Variants in TNR observed in about 807,000 individuals in gnomAD.
TNR encodes tenascin-R.
Under a neutral mutation model 150.4 loss-of-function variants are expected in TNR, and 45 were observed. That is an observed-to-expected ratio of 0.30 (90% confidence interval 0.24 to 0.38). The LOEUF (loss-of-function observed/expected upper bound fraction) is 0.38. Among genes scored for constraint, TNR ranks in the 10% least tolerant of loss-of-function variants. The pLI, the probability that TNR is intolerant of heterozygous loss-of-function variation, is 1.00. For missense variants in TNR, 1,544 were observed against 1,759.1 expected, an observed-to-expected ratio of 0.88 and a Z score of 2.19; for synonymous variants, 687 against 678.4, an observed-to-expected ratio of 1.01 and a Z score of -0.20.
At chr1:175,585,179 T>A (rs997106326) in intron 1 of TNR, among the ~76,000 whole-genome samples, 15 of 152,224 alleles carry the variant, frequency 9.9e-5, no homozygotes, top group Non-Finnish European at 1.2e-4. Flanking sequence ...CAGTTATCTA[T>A]ATTTGATGGA....
intron 1 of TNR, among the ~76,000 whole-genome samples, chr1:175,676,958 A>C (rs1571741805): frequency 6.6e-6 from 1 of 152,172 alleles, no homozygotes; most frequent in South Asian, 2.1e-4. Flanking sequence ...CCCATTTTCC[A>C]GGTGAGAGGA....
At chr1:175,678,321 G>A (rs1301417081) in intron 1 of TNR, among the ~76,000 whole-genome samples, 1 of 152,296 alleles carries the variant, frequency 6.6e-6, no homozygotes, top group East Asian at 1.9e-4. Context: ...AAACACGCAG[G>A]TTCCCTTGCC....
At chr1:175,398,144 T>C (rs1380705378) in intron 4 of TNR, among the ~76,000 whole-genome samples, 1 of 152,174 alleles carries the variant, frequency 6.6e-6, no homozygotes, top group Admixed American at 6.5e-5. Context: ...TACTCACATG[T>C]GCACCCTCAA....
intron 1 of TNR, among the ~76,000 whole-genome samples, chr1:175,640,659 G>A (rs1664626993): frequency 6.6e-6 from 1 of 152,008 alleles, no homozygotes; most frequent in Non-Finnish European, 1.5e-5. Flanking sequence ...CAAATCATGT[G>A]CATATTCTCT....
At chr1:175,678,504 G>T (rs12070269) in intron 1 of TNR, among the ~76,000 whole-genome samples, 2,684 of 152,258 alleles carry the variant, frequency 0.018, 67 homozygotes, top group African/African-American at 0.059. Context: ...ACAGAAAGGG[G>T]TCTCCTCTGG....
chr1:175,491,211 C>T (rs1330641642), intron 2 of TNR, among the ~76,000 whole-genome samples: 1 of 151,830 alleles, frequency 6.6e-6, no homozygotes, highest in Non-Finnish European at 1.5e-5. Context: ...CACACTGGGG[C>T]CTGTCAGAGG....
intron 1 of TNR, among the ~76,000 whole-genome samples, chr1:175,655,341 T>C (rs1214301088): frequency 6.6e-6 from 1 of 152,230 alleles, no homozygotes; most frequent in Non-Finnish European, 1.5e-5. Context: ...ATTCACCCTA[T>C]GTCCAACTCC....
chr1:175,397,912 T>G (rs1170786249), intron 4 of TNR, among the ~76,000 whole-genome samples: 1 of 152,214 alleles, frequency 6.6e-6, no homozygotes, highest in Non-Finnish European at 1.5e-5. Context: ...GTGTCTGTAA[T>G]TAGACCTGCC....
chr1:175,438,220 CAACATATGCAAATCAATA>C (rs1655609079), intron 2 of TNR, among the ~76,000 whole-genome samples: 1 of 152,138 alleles, frequency 6.6e-6, no homozygotes, highest in African/African-American at 2.4e-5. Flanking sequence ...AAGGCTGGTT[CAACATATGCAAATCAATA>C]AACATAATCC....
intron 9 of TNR, among the ~76,000 whole-genome samples, chr1:175,370,159 A>G (rs561802657): frequency 4.7e-4 from 71 of 152,064 alleles, no homozygotes; most frequent in Non-Finnish European, 9.0e-4. Flanking sequence ...TGTAATTTTG[A>G]TTACTTAACA....
intron 1 of TNR, among the ~76,000 whole-genome samples, chr1:175,559,377 A>T (rs1661323513): frequency 6.6e-6 from 1 of 152,210 alleles, no homozygotes; most frequent in African/African-American, 2.4e-5. Context: ...ATAGAAAATG[A>T]TAAACAGAGT....
intron 1 of TNR, among the ~76,000 whole-genome samples, chr1:175,564,611 C>T (rs1327431084): frequency 2.0e-5 from 3 of 151,988 alleles, no homozygotes; most frequent in Non-Finnish European, 1.5e-5. Context: ...CTTCAGGGTG[C>T]AATTTGGTTT....
intron 9 of TNR, among the ~76,000 whole-genome samples, chr1:175,370,353 T>G (rs1652043463): frequency 1.5e-5 from 2 of 136,418 alleles, no homozygotes; most frequent in Non-Finnish European, 3.1e-5. Context: ...TTTTTTTTTT[T>G]TTTTTTTTTT....
At chr1:175,541,882 A>G (rs1314657790) in intron 1 of TNR, among the ~76,000 whole-genome samples, 3 of 152,250 alleles carry the variant, frequency 2.0e-5, no homozygotes, top group Non-Finnish European at 4.4e-5. Context: ...TCTGAACCAT[A>G]TGAAATTGCC....
rs1259412279 is a variant in TNR at position 175,321,120 on chromosome 1, A to C, written c.*2237T>G. ...TACTATTCATTGTTGCCCCGTCTCT[A>C]GGTAAGTCTTCTGTAATTTACATGC... On this transcript the variant is annotated 3_prime_UTR_variant, in exon 23 of 23. Transcript: ENST00000367674. 6.6e-6 allele frequency: 1 copy of C among 152,122 alleles called. No individual in the cohort carries two copies. Among genetic ancestry groups the C allele is most frequent in the Non-Finnish European group, 1.5e-5 (1 of 68,036 alleles). The allele number at this position is 152,122 out of a possible 1,614,324, so 9.4% of individuals were successfully genotyped here. A position where few individuals can be genotyped will look rare whatever the true frequency, so the allele number is the denominator to read the frequency against.
At chr1:175,524,352 G>T (rs144319291) in intron 2 of TNR, among the ~76,000 whole-genome samples, 1 of 152,114 alleles carries the variant, frequency 6.6e-6, no homozygotes, top group Non-Finnish European at 1.5e-5. Context: ...AGTGAATGGA[G>T]AATGTTCTTC....
chr1:175,517,526 G>A (rs528335442), intron 2 of TNR, among the ~76,000 whole-genome samples: 5 of 152,156 alleles, frequency 3.3e-5, no homozygotes, highest in African/African-American at 9.6e-5. Context: ...TTGGCATTTA[G>A]GCAGTTGAAA....
At position 175,599,808 on chromosome 1, in the gene TNR, A is replaced by G. The variant is rs1418697024; in HGVS notation, c.-164-71439T>C. ...GTTTTCTGTCCCACTTGAAACCAGA[A>G]AATACACTTCCCAGATAGCAAGGAG... On this transcript the variant is annotated intron_variant, in intron 1 of 22. Transcript: ENST00000367674. The surrounding 1 kb of genome is among the most constrained non-coding windows in gnomAD (Gnocchi z 4.7). 6.6e-6 allele frequency among the ~76,000 whole-genome samples: 1 copy of G among 152,194 alleles called. No homozygotes were observed. Among genetic ancestry groups the G allele is most frequent in the Non-Finnish European group, 1.5e-5 (1 of 68,028 alleles).
At chr1:175,466,590 C>T (rs1157215125) in intron 2 of TNR, among the ~76,000 whole-genome samples, 1 of 152,228 alleles carries the variant, frequency 6.6e-6, no homozygotes, top group African/African-American at 2.4e-5. Context: ...TTTTTCTGGG[C>T]CAGCCAGGGT....
Sources: gnomAD v4.1 joint callset for allele counts (sites outside exome capture counted in the v4.1 genomes callset) on GRCh38, gnomAD v4.1.1 for gene constraint, Gnocchi (gnomAD v3.1) non-coding constraint, MANE v1.5 for transcripts, NCBI Gene and HGNC (gene_info 2026-07-23, HGNC 2026-07-21) for gene names.